WWOX: variants seen among roughly 807,000 people sequenced by gnomAD.
WWOX encodes WW domain containing oxidoreductase.
A neutral mutation model predicts 46.2 loss-of-function variants in WWOX; 69 were observed. The observed-to-expected ratio is 1.49, with a 90% confidence interval of 1.23 to 1.82. The LOEUF (loss-of-function observed/expected upper bound fraction) is 1.82, where lower values mean the gene tolerates loss of function less well. Among genes scored for constraint, WWOX ranks in the 40% most tolerant of loss-of-function variants. The pLI, the probability that WWOX is intolerant of heterozygous loss-of-function variation, is 0.00. For missense variants in WWOX, 919 were observed against 542.6 expected (o/e 1.69, Z -6.89); for synonymous variants, 359 against 202.6 (o/e 1.77, Z -6.56).
chr16:78,890,892 C>G (rs1174759545), intron 8 of WWOX: 10 of 152,212 alleles, frequency 6.6e-5, no homozygotes, highest in Non-Finnish European at 1.2e-4. Context: ...TCCTGCACCA[C>G]TTAATAACTG....
chr16:78,386,684 G>A (rs555894280), intron 5 of WWOX, among the ~76,000 whole-genome samples, 176 bp from the exon 6 acceptor site: 4 of 57,848 alleles, frequency 6.9e-5, no homozygotes, highest in Non-Finnish European at 9.7e-5. Context: ...CATCCTCCCC[G>A]AACTTGGCAG....
chr16:78,433,111 T>C (rs2083262351), intron 8 of WWOX, among the ~76,000 whole-genome samples: 1 of 152,224 alleles, frequency 6.6e-6, no homozygotes. Flanking sequence ...ACTGCTGTTT[T>C]GTGTCAGTAG....
intron 5 of WWOX, among the ~76,000 whole-genome samples, chr16:78,199,629 T>C (rs2036168756): frequency 6.6e-6 from 1 of 152,208 alleles, no homozygotes; most frequent in Non-Finnish European, 1.5e-5. Flanking sequence ...GTACAGGTTC[T>C]AAATCTCCTT....
At chr16:78,751,928 A>C (rs2049490706) in intron 8 of WWOX, among the ~76,000 whole-genome samples, 1 of 152,158 alleles carries the variant, frequency 6.6e-6, no homozygotes, top group Non-Finnish European at 1.5e-5. Context: ...GAATAACCCA[A>C]CTGTGTCTTT....
At chr16:78,116,267 C>T (rs1430099443) in intron 4 of WWOX, among the ~76,000 whole-genome samples, 9 of 151,986 alleles carry the variant, frequency 5.9e-5, no homozygotes, top group Admixed American at 5.9e-4. Flanking sequence ...CTTTTTTGTA[C>T]CCATTAACCA....
intron 8 of WWOX, among the ~76,000 whole-genome samples, chr16:78,967,397 C>T (rs868860836): frequency 4.0e-5 from 6 of 150,198 alleles, no homozygotes; most frequent in Admixed American, 1.3e-4. Flanking sequence ...TTTCCACCCA[C>T]CTCAGCCTCC....
chr16:78,648,656 T>C (rs2046899001), intron 8 of WWOX, among the ~76,000 whole-genome samples: 1 of 152,120 alleles, frequency 6.6e-6, no homozygotes. Context: ...TCATACAGGA[T>C]GTCCTGGTCT....
chr16:78,334,835 C>G (rs868351705), intron 5 of WWOX, among the ~76,000 whole-genome samples: 7 of 137,710 alleles, frequency 5.1e-5, no homozygotes, highest in South Asian at 2.2e-4. Context: ...CACACACATA[C>G]ACACACACAC....
rs966857636 is a variant in WWOX, at chr16:78,555,696, C to CT, written c.1056+122945dup. On this transcript the variant is annotated intron_variant, in intron 8 of 8. Transcript: ENST00000566780. The stretch of plus-strand genomic sequence containing the variant: ...AAAGGGACAATGTTCACCCTTTGGA[C>CT]TGGAAGTAAGAAGCCCCTGCAGTTC... Among the ~76,000 whole-genome samples the CT allele has an allele frequency of 5.9e-5, 9 of 151,420 alleles. No individual in the cohort carries two copies. The East Asian group carries it at 1.6e-3, about 26-fold the overall frequency.
At chr16:78,728,184 C>T (rs1480498425) in intron 8 of WWOX, among the ~76,000 whole-genome samples, 1 of 150,788 alleles carries the variant, frequency 6.6e-6, no homozygotes, top group Non-Finnish European at 1.5e-5. Context: ...CCTGCCTCAG[C>T]CTCCTGAGTA....
chr16:78,326,570 T>TCCCCCCCC (rs1287342811), intron 5 of WWOX, among the ~76,000 whole-genome samples: 2 of 10,008 alleles, frequency 2.0e-4, no homozygotes, highest in African/African-American at 3.4e-4. Context: ...CTGCCTGCCC[T>TCCCCCCCC]CCCCCCGCCC....
chr16:78,638,390 G>C (rs186332291), intron 8 of WWOX, among the ~76,000 whole-genome samples: 1 of 152,092 alleles, frequency 6.6e-6, no homozygotes, highest in East Asian at 1.9e-4. Flanking sequence ...CCTCTGGCTG[G>C]GTCTGCCTTT....
At chr16:79,039,301 C>T (rs1391261868) in intron 8 of WWOX, among the ~76,000 whole-genome samples, 1 of 152,074 alleles carries the variant, frequency 6.6e-6, no homozygotes, top group Non-Finnish European at 1.5e-5. Flanking sequence ...CTTGGATTGC[C>T]TCCTCTCCTG....
At chr16:78,754,953 C>T (rs1396521623) in intron 8 of WWOX, among the ~76,000 whole-genome samples, 1 of 151,480 alleles carries the variant, frequency 6.6e-6, no homozygotes, top group Non-Finnish European at 1.5e-5. Context: ...CCACAAAGAG[C>T]CAGCCATTTA....
chr16:78,357,106 C>G (rs755401548), intron 5 of WWOX, among the ~76,000 whole-genome samples: 8 of 152,158 alleles, frequency 5.3e-5, no homozygotes, highest in African/African-American at 9.7e-5. Context: ...AGGCATAGAC[C>G]TTCCTTTCTC....
intron 8 of WWOX, among the ~76,000 whole-genome samples, chr16:78,785,785 C>G (rs887909647): frequency 6.6e-6 from 1 of 151,854 alleles, no homozygotes; most frequent in Non-Finnish European, 1.5e-5. Context: ...ACTTATCCTT[C>G]TTTGCTGAAT....
Position 78,339,389 on chromosome 16 carries a change from C to CG in WWOX, c.517-47471_517-47470insG, listed in dbSNP as rs1289384988. On this transcript the variant is annotated intron_variant, in intron 5 of 8. Transcript: ENST00000566780. Reference sequence around the variant, plus strand: ...TAGAAAAAAAAAAAAAAACAACTCCCCTGGAGCCTTTGTACCTTCTGCAGT... The same window carrying CG: ...TAGAAAAAAAAAAAAAAACAACTCCCGCTGGAGCCTTTGTACCTTCTGCAGT... Among the ~76,000 whole-genome samples the CG allele has an allele frequency of 7.0e-4, 80 of 114,280 alleles. 23 individuals carry two copies. Among genetic ancestry groups the CG allele is most frequent in the Non-Finnish European group, 1.5e-3 (72 of 48,830 alleles). 75.0% of individuals were successfully genotyped at this position (114,280 alleles called of 152,430 possible).
chr16:79,062,669 G>A (rs2048376430), intron 8 of WWOX, among the ~76,000 whole-genome samples: 1 of 152,044 alleles, frequency 6.6e-6, no homozygotes, highest in Non-Finnish European at 1.5e-5. Context: ...AATAAGAAGT[G>A]ACAGCTTCCT....
At chr16:78,364,589 T>G (rs930151255) in intron 5 of WWOX, among the ~76,000 whole-genome samples, 1 of 152,176 alleles carries the variant, frequency 6.6e-6, no homozygotes. Flanking sequence ...AATTTGTGGT[T>G]ACAGTATAAT....
Sources: allele counts gnomAD v4.1 joint callset (sites outside exome capture counted in the v4.1 genomes callset), GRCh38; gene constraint gnomAD v4.1.1; transcripts MANE v1.5; gene names NCBI Gene and HGNC (gene_info 2026-07-23, HGNC 2026-07-21).